Variants in GHR observed in about 807,000 individuals in gnomAD.
GHR encodes GH receptor.
In GHR, 35 loss-of-function variants were observed where a neutral mutation model predicts 67.1. That is an observed-to-expected ratio of 0.52 (90% CI 0.40 to 0.69). The LOEUF (loss-of-function observed/expected upper bound fraction) is 0.69. Ranked by LOEUF, GHR falls within the 30% of genes least tolerant of loss-of-function variation. GHR has a pLI of 0.00. For synonymous variants in GHR, 272 were observed against 269.1 expected (o/e 1.01, Z -0.10); for missense variants, 792 against 764.6 (o/e 1.04, Z -0.42).
At chr5:42,489,261 A>G (rs1746012293) in intron 1 of GHR, among the ~76,000 whole-genome samples, 1 of 151,508 alleles carries the variant, frequency 6.6e-6, no homozygotes, top group African/African-American at 2.4e-5. Flanking sequence ...CCTCTTACAT[A>G]TTTCTTTTTT....
chr5:42,576,144 A>AAT (rs926602851), intron 2 of GHR, among the ~76,000 whole-genome samples: 3 of 88,934 alleles, frequency 3.4e-5, no homozygotes, highest in African/African-American at 1.4e-4. Context: ...AAAATAAAAT[A>AAT]GTAAAGTAAA....
intron 6 of GHR, among the ~76,000 whole-genome samples, chr5:42,702,261 C>CT (rs1365077156): frequency 6.6e-6 from 1 of 152,034 alleles, no homozygotes; most frequent in Non-Finnish European, 1.5e-5. Context: ...CTGAGTTCAA[C>CT]TTTTTTAGAT....
chr5:42,680,278 A>C (rs536276624), intron 3 of GHR, among the ~76,000 whole-genome samples: 4 of 152,302 alleles, frequency 2.6e-5, no homozygotes, highest in Non-Finnish European at 5.9e-5. Flanking sequence ...ACTTTGGCTT[A>C]TGTTCAATAA....
At chr5:42,576,098 A>ATAAAATAAAATAAAATAAAG (rs1750683674) in intron 2 of GHR, among the ~76,000 whole-genome samples, 2 of 79,918 alleles carry the variant, frequency 2.5e-5, no homozygotes, top group Non-Finnish European at 5.5e-5. Flanking sequence ...ATAAAATAAA[A>ATAAAATAAAATAAAATAAAG]TAAATAAAAT....
rs1394631779 is a variant in GHR at position 42,424,540 on chromosome 5, G to C, written c.-12+585G>C. ...GCGTTTGTGCGGGCCGCAGCCGCAC[G>C]TTGGCACCGATGGAACTGGGGTCAG... is the stretch of plus-strand genomic sequence containing the variant. On this transcript the variant is annotated intron_variant, in intron 1 of 9. Coordinates refer to ENST00000230882, the MANE Select transcript of GHR (RefSeq NM_000163.5). This position sits in a 1 kb window ranked among gnomAD's most constrained non-coding sequence, Gnocchi z 4.1. 6.6e-7 allele frequency: 1 copy of C among 1,523,536 alleles called. No homozygotes were observed. The allele number at this position is 1,523,536 out of a possible 1,614,324, so 94.4% of individuals were successfully genotyped here. A position where few individuals can be genotyped will look rare whatever the true frequency, so the allele number is the denominator to read the frequency against.
At chr5:42,497,580 A>G (rs1255039323) in intron 1 of GHR, among the ~76,000 whole-genome samples, 1 of 152,178 alleles carries the variant, frequency 6.6e-6, no homozygotes, top group Admixed American at 6.5e-5. Context: ...ATTCATTTAC[A>G]TATCACCTAT....
intron 3 of GHR, among the ~76,000 whole-genome samples, chr5:42,671,689 G>T (rs1310377655): frequency 2.0e-5 from 3 of 151,134 alleles, no homozygotes; most frequent in Non-Finnish European, 4.4e-5. Context: ...GGGCGCGGTG[G>T]CTCACACCTG....
At chr5:42,716,981 C>G (rs1014280933) in intron 8 of GHR, among the ~76,000 whole-genome samples, 1 of 152,096 alleles carries the variant, frequency 6.6e-6, no homozygotes, top group African/African-American at 2.4e-5. Flanking sequence ...AATCTCTGAG[C>G]CTTTTTCCAG....
At chr5:42,515,783 C>A (rs757308902) in intron 1 of GHR, among the ~76,000 whole-genome samples, 23 of 152,144 alleles carry the variant, frequency 1.5e-4, no homozygotes, top group Non-Finnish European at 2.5e-4. Context: ...GGTGTAAAGG[C>A]CTTGGTGGAA....
chr5:42,497,550 A>G (rs2112218885), intron 1 of GHR, among the ~76,000 whole-genome samples: 1 of 152,292 alleles, frequency 6.6e-6, no homozygotes, highest in South Asian at 2.1e-4. Context: ...ATGCCATTTA[A>G]TTGGAACACT....
intron 1 of GHR, among the ~76,000 whole-genome samples, chr5:42,545,757 C>T (rs1748707309): frequency 6.6e-6 from 1 of 152,128 alleles, no homozygotes; most frequent in African/African-American, 2.4e-5. Context: ...AGATATAGTC[C>T]AGGCTCCTTT....
At chr5:42,429,334 T>C (rs544233005) in intron 1 of GHR, among the ~76,000 whole-genome samples, 15 of 152,278 alleles carry the variant, frequency 9.9e-5, no homozygotes, top group African/African-American at 3.6e-4. Flanking sequence ...CCCACTGGGT[T>C]CCTCCCATGA....
At chr5:42,676,016 G>C (rs1756555756) in intron 3 of GHR, among the ~76,000 whole-genome samples, 1 of 152,188 alleles carries the variant, frequency 6.6e-6, no homozygotes, top group Non-Finnish European at 1.5e-5. Context: ...GCTGGGTATG[G>C]TGGCTCACGC....
chr5:42,617,907 T>C (rs1753247335), intron 2 of GHR, among the ~76,000 whole-genome samples: 1 of 152,164 alleles, frequency 6.6e-6, no homozygotes, highest in Non-Finnish European at 1.5e-5. Flanking sequence ...TATGAAACTT[T>C]TCTTTTTCAT....
intron 2 of GHR, among the ~76,000 whole-genome samples, chr5:42,606,976 C>T (rs2112656710): frequency 6.6e-6 from 1 of 152,210 alleles, no homozygotes; most frequent in African/African-American, 2.4e-5. Flanking sequence ...TGGTTTGGCT[C>T]TGTGTCCCCA....
intron 3 of GHR, among the ~76,000 whole-genome samples, chr5:42,666,832 A>T (rs950880088): frequency 1.3e-5 from 2 of 152,212 alleles, no homozygotes; most frequent in Admixed American, 1.3e-4. Context: ...TCTAAATCGC[A>T]GATCTTTTCA....
intron 1 of GHR, among the ~76,000 whole-genome samples, chr5:42,560,507 T>A (rs1012067401): frequency 6.6e-6 from 1 of 152,162 alleles, no homozygotes; most frequent in Non-Finnish European, 1.5e-5. Context: ...ACTTTTAATA[T>A]AATTTTTGAT....
At chr5:42,636,873 T>C (rs540450333) in intron 3 of GHR, among the ~76,000 whole-genome samples, 1 of 152,156 alleles carries the variant, frequency 6.6e-6, no homozygotes, top group Non-Finnish European at 1.5e-5. Flanking sequence ...AGGTAATATA[T>C]ATTTAAGCCA....
chr5:42,671,116 T>TA (rs1756270300), intron 3 of GHR, among the ~76,000 whole-genome samples: 1 of 152,116 alleles, frequency 6.6e-6, no homozygotes, highest in African/African-American at 2.4e-5. Flanking sequence ...AGCATGCTAT[T>TA]AAAAAATACC....
Sources: allele counts gnomAD v4.1 joint callset (sites outside exome capture counted in the v4.1 genomes callset), GRCh38; gene constraint gnomAD v4.1.1; non-coding constraint Gnocchi (gnomAD v3.1); transcripts MANE v1.5; gene names NCBI Gene and HGNC (gene_info 2026-07-23, HGNC 2026-07-21).